Variants in LRP5 observed in about 807,000 individuals in gnomAD.
LRP5 encodes LDL receptor related protein 5, also known as low-density lipoprotein receptor-related protein 5.
A neutral mutation model predicts 154.1 loss-of-function variants in LRP5; 62 were observed. The observed-to-expected ratio is 0.40, with a 90% CI of 0.33 to 0.50. The LOEUF (loss-of-function observed/expected upper bound fraction) is 0.50. Ranked by LOEUF, LRP5 falls within the 20% of genes least tolerant of loss-of-function variation. The probability of loss-of-function intolerance (pLI) is 0.55; values close to 1 mark genes in which losing one functional copy is unlikely to be tolerated. For missense variants in LRP5, 1,915 were observed against 2,336.7 expected (o/e 0.82, Z 3.72); for synonymous variants, 966 against 1,011.5 (o/e 0.96, Z 0.85).
chr11:68,417,108 A>G (rs959568804), intron 13 of LRP5, among the ~76,000 whole-genome samples: 3 of 152,236 alleles, frequency 2.0e-5, no homozygotes, highest in Admixed American at 6.5e-5. Context: ...TAATGCTGCA[A>G]TAAATACGGC....
intron 4 of LRP5, among the ~76,000 whole-genome samples, chr11:68,365,223 G>A (rs1347348234): frequency 1.3e-5 from 2 of 151,970 alleles, no homozygotes; most frequent in Non-Finnish European, 2.9e-5. Context: ...GCTCCGAGGA[G>A]CTGGGGAGGG....
rs754632907 is a variant in LRP5, at chr11:68,438,657, C to A, written c.4323C>A (p.Gly1441=). The change falls in exon 20 of 23, where the codon GGC becomes GGA. Residue 1441 remains glycine, a synonymous_variant. Coordinates refer to ENST00000294304, the MANE Select transcript of LRP5 (RefSeq NM_002335.4). ...TGCCCCTCAATTTCATAGCCCCGGGCGGTTCCCAGCATGGCCCCTTCACAG... is the reference window on the plus strand; with the variant it reads ...TGCCCCTCAATTTCATAGCCCCGGGAGGTTCCCAGCATGGCCCCTTCACAG... ...PHVPLNFIAP[G]GSQHGPFTGI... The A allele has an allele frequency of 1.2e-6, 2 of 1,613,020 alleles. No individual in the cohort carries two copies. The highest frequency in any genetic ancestry group is 1.7e-6 in the Non-Finnish European group (2 of 1,179,946).
In LRP5 at chr11:68,364,358, A is replaced by ATGTGTGTGTGTGTG. The variant is rs113821152; in HGVS notation, c.883+433_883+446dup. Reference sequence around the variant, plus strand: ...TATGGTTATTTATATATACATATATATGTGTGTGTGTGTGTGTGTGTGTGT... The same window carrying ATGTGTGTGTGTGTG: ...TATGGTTATTTATATATACATATATATGTGTGTGTGTGTGTGTGTGTGTGTGTGTGTGTGTGTGT... On this transcript the variant is annotated intron_variant, in intron 4 of 22. Coordinates refer to ENST00000294304, the MANE Select transcript of LRP5 (RefSeq NM_002335.4). 2.0e-3 allele frequency among the ~76,000 whole-genome samples: 287 copies of ATGTGTGTGTGTGTG among 145,512 alleles called. 1 individual carries two copies. The highest frequency in any genetic ancestry group is 7.1e-3 in the Middle Eastern group (2 of 280).
chr11:68,361,938 C>T (rs530694618), intron 3 of LRP5, among the ~76,000 whole-genome samples: 8 of 152,222 alleles, frequency 5.3e-5, no homozygotes, highest in South Asian at 2.1e-4. Context: ...TCTTAAGAAT[C>T]GAAAACAGGT....
chr11:68,377,458 A>T (rs2098638000), intron 5 of LRP5, among the ~76,000 whole-genome samples: 3 of 152,170 alleles, frequency 2.0e-5, no homozygotes, highest in Admixed American at 6.5e-5. Context: ...GTTCCAGCAG[A>T]GCCAGCATCG....
At chr11:68,341,791 C>T (rs189297588) in intron 1 of LRP5, among the ~76,000 whole-genome samples, 121 of 152,190 alleles carry the variant, frequency 8.0e-4, no homozygotes, top group East Asian at 4.3e-3. Flanking sequence ...TGCAGCCCCC[C>T]GACCCACTTC....
At chr11:68,340,810 A>G (rs527314929) in intron 1 of LRP5, among the ~76,000 whole-genome samples, 1 of 152,356 alleles carries the variant, frequency 6.6e-6, no homozygotes, top group African/African-American at 2.4e-5. Context: ...GTATTACAAT[A>G]TATTACCCAG....
intron 6 of LRP5, 136 bp from the exon 7 acceptor site, chr11:68,389,745 G>GA: frequency 1.2e-6 from 1 of 847,466 alleles, no homozygotes. Context: ...GACATTTACT[G>GA]ACACCAATAT....
In LRP5 at chr11:68,406,592, C is replaced by A. The variant is rs989864153; in HGVS notation, c.1870C>A (p.Arg624=). Residue 624 remains arginine, a synonymous_variant, in exon 9 of 23, where the codon CGG becomes AGG. Coordinates refer to ENST00000294304, the MANE Select transcript of LRP5 (RefSeq NM_002335.4). ...HLCFFTPHAT[R]CGCPIGLELL... is the part of the protein sequence containing the mutation. ...GTGCTTCTTCACACCCCACGCAACC[C>A]GGTGTGGCTGCCCCATCGGCCTGGA... 1.2e-6 allele frequency: 2 copies of A among 1,614,056 alleles called. No individual in the cohort carries two copies. The highest frequency in any genetic ancestry group is 1.7e-6 in the Non-Finnish European group (2 of 1,180,028).
At chr11:68,354,132 G>T (rs2098621089) in intron 2 of LRP5, among the ~76,000 whole-genome samples, 1 of 152,198 alleles carries the variant, frequency 6.6e-6, no homozygotes, top group South Asian at 2.1e-4. Context: ...ATGCAAAATG[G>T]CCCTTCCCTA....
chr11:68,390,104 C>T, intron 7 of LRP5, 52 bp downstream of exon 7: 1 of 1,602,384 alleles, frequency 6.2e-7, no homozygotes, highest in African/African-American at 1.3e-5. Flanking sequence ...CAGCCACCCC[C>T]TGCAGCCAGA....
rs989945005 is a variant in LRP5 at position 68,413,095 on chromosome 11, C to T, written c.2504-594C>T. The stretch of plus-strand genomic sequence containing the variant: ...CGTCACCCAGCTCTGCAGCACATCC[C>T]GTGACCCAGCTCATCCAGGCCGCAT... On this transcript the variant is annotated intron_variant, in intron 11 of 22. Transcript: ENST00000294304. This position sits in a 1 kb window ranked among gnomAD's most constrained non-coding sequence, Gnocchi z 5.1. The T allele has an allele frequency of 5.1e-5, 10 of 194,800 alleles. No individual in the cohort carries two copies. Among genetic ancestry groups the T allele is most frequent in the South Asian group, 1.7e-4 (1 of 5,782 alleles). 12.1% of individuals were successfully genotyped at this position (194,800 alleles called of 1,614,324 possible).
chr11:68,352,754 CTTGG>C (rs1244654615), intron 2 of LRP5, among the ~76,000 whole-genome samples: 1 of 101,452 alleles, frequency 9.9e-6, no homozygotes, highest in African/African-American at 4.1e-5. Context: ...GTGCTCTGCA[CTTGG>C]TTGGGAGGTG....
At chr11:68,374,974 C>T (rs77693361) in intron 5 of LRP5, among the ~76,000 whole-genome samples, 1 of 152,358 alleles carries the variant, frequency 6.6e-6, no homozygotes, top group East Asian at 1.9e-4. Context: ...CCTGCAGCCT[C>T]TTCCATGTCC....
intron 2 of LRP5, among the ~76,000 whole-genome samples, chr11:68,351,520 C>T (rs985453641): frequency 1.3e-5 from 2 of 152,160 alleles, no homozygotes; most frequent in African/African-American, 4.8e-5. Flanking sequence ...CTCCCAGGGC[C>T]GGCCTGCGGT....
At chr11:68,438,752 A>G in intron 20 of LRP5, 70 bp downstream of exon 20, 1 of 1,395,684 alleles carries the variant, frequency 7.2e-7, no homozygotes, top group Non-Finnish European at 1.0e-6. Flanking sequence ...TGGGGAGTGG[A>G]GCAGGGATGT....
chr11:68,368,847 C>CT (rs1158183018), intron 5 of LRP5, among the ~76,000 whole-genome samples: 2,660 of 132,190 alleles, frequency 0.02, 67 homozygotes, highest in African/African-American at 0.054. Context: ...TGAAGGATAT[C>CT]TTTTTTTTTT....
At chr11:68,361,641 A>C (rs1230965767) in intron 3 of LRP5, among the ~76,000 whole-genome samples, 1 of 152,022 alleles carries the variant, frequency 6.6e-6, no homozygotes, top group Admixed American at 6.6e-5. Flanking sequence ...TGTCTCAAAA[A>C]AACAAAAACA....
chr11:68,338,931 T>C (rs1238559944), intron 1 of LRP5, among the ~76,000 whole-genome samples: 1 of 123,082 alleles, frequency 8.1e-6, no homozygotes, highest in Non-Finnish European at 1.6e-5. Context: ...TGGAGTATAA[T>C]GGTGCAATGT....
Sources: allele counts gnomAD v4.1 joint callset (sites outside exome capture counted in the v4.1 genomes callset), GRCh38; gene constraint gnomAD v4.1.1; non-coding constraint Gnocchi (gnomAD v3.1); transcripts MANE v1.5; gene names NCBI Gene and HGNC (gene_info 2026-07-23, HGNC 2026-07-21).